Variants in ZNF764 observed in about 807,000 individuals in gnomAD.
ZNF764 encodes the protein zinc finger protein 764.
In ZNF764, 10 loss-of-function variants were observed where a neutral mutation model predicts 13.9. That is an observed-to-expected ratio of 0.72 (90% confidence interval 0.44 to 1.22). The LOEUF (loss-of-function observed/expected upper bound fraction) is 1.22, where lower values mean the gene tolerates loss of function less well. Ranked by LOEUF, ZNF764 falls within the 50% of genes most tolerant of loss-of-function variation. ZNF764 has a pLI of 0.00. For synonymous variants in ZNF764, 313 were observed against 255.1 expected (o/e 1.23, Z -2.16); for missense variants, 647 against 589.7 (o/e 1.10, Z -1.01).
chr16:30,558,046 G>C lies in ZNF764; in HGVS notation c.137C>G (p.Ala46Gly). 3 of 1,611,798 alleles carry C rather than the reference G, an allele frequency of 1.9e-6. No homozygotes were observed. The highest frequency in any genetic ancestry group is 2.5e-6 in the Non-Finnish European group (3 of 1,179,322). ...CACGTCCCGGTACAGGGCCCTCTGCGCTGGCCGCAAGCAGCCCCACTCCTC... is the reference window on the plus strand; with the variant it reads ...CACGTCCCGGTACAGGGCCCTCTGCCCTGGCCGCAAGCAGCCCCACTCCTC... ...CREEWGCLRPAQRALYRDVMR... is the reference protein window; with the variant it reads ...CREEWGCLRPGQRALYRDVMR... Residue 46 changes from alanine (A) to glycine (G), a missense_variant, in exon 1 of 3, where the codon GCG becomes GGG. Physicochemically the swap from Ala to Gly is moderately conservative, Grantham distance 60. Transcript: ENST00000395091.
chr16:30,556,164 C>T (rs1010366489), intron 2 of ZNF764, 57 bp from the exon 3 acceptor site: 86 of 1,594,700 alleles, frequency 5.4e-5, no homozygotes, highest in Non-Finnish European at 6.7e-5. Flanking sequence ...TCCTTGAATC[C>T]CACAGCCCGC....
chr16:30,555,050 A>G lies in ZNF764; in HGVS notation c.*144T>C. 1 of 961,822 alleles carries G rather than the reference A, an allele frequency of 1.0e-6. No homozygotes were observed. Among genetic ancestry groups the G allele is most frequent in the Non-Finnish European group, 1.5e-6 (1 of 667,636 alleles). 59.6% of individuals were successfully genotyped at this position (961,822 alleles called of 1,614,324 possible). On this transcript the variant is annotated 3_prime_UTR_variant, in exon 3 of 3. Coordinates refer to ENST00000395091, the MANE Select transcript of ZNF764 (RefSeq NM_001172679.2). ...CAAGGTGCTGGCAGAGGAGGCTGCT[A>G]AGGGCCCAAGATCAGACTGTCCGCA...
rs1289305587 is a variant in ZNF764, at chr16:30,555,069, G to T, written c.*125C>A. On this transcript the variant is annotated 3_prime_UTR_variant, in exon 3 of 3. Transcript: ENST00000395091. ...GCTGCTAAGGGCCCAAGATCAGACT[G>T]TCCGCACCCCAGGGCCAGCTCTTGC... The T allele has an allele frequency of 2.6e-6, 3 of 1,175,522 alleles. No individual in the cohort carries two copies. Among genetic ancestry groups the T allele is most frequent in the Non-Finnish European group, 3.5e-6 (3 of 848,698 alleles). The allele number at this position is 1,175,522 out of a possible 1,614,324, so 72.8% of individuals were successfully genotyped here. A position where few individuals can be genotyped will look rare whatever the true frequency, so the allele number is the denominator to read the frequency against.
chr16:30,558,060 G>A lies in ZNF764; in HGVS notation c.123C>T (p.Gly41=). The change falls in exon 1 of 3, where the codon GGC becomes GGT. Residue 41 remains glycine (G), a synonymous_variant. Transcript: ENST00000395091. ...VAVYFCREEW[G]CLRPAQRALY... is the part of the protein sequence containing the mutation. Reference sequence around the variant, plus strand: ...GGGCCCTCTGCGCTGGCCGCAAGCAGCCCCACTCCTCCCGGCAGAAGTACA... The same window carrying A: ...GGGCCCTCTGCGCTGGCCGCAAGCAACCCCACTCCTCCCGGCAGAAGTACA... 6.2e-7 allele frequency: 1 copy of A among 1,612,252 alleles called. No homozygotes were observed. Among genetic ancestry groups the A allele is most frequent in the Non-Finnish European group, 8.5e-7 (1 of 1,179,452 alleles).
In ZNF764 at chr16:30,555,251, G is replaced by A. The variant is rs753048259; in HGVS notation, c.1167C>T (p.Asp389=). 1.9e-6 allele frequency: 3 copies of A among 1,612,396 alleles called. No homozygotes were observed. In the South Asian group the frequency reaches 3.3e-5, roughly 18 times the overall value. ...GCTGGAAGCCCACGGGCGGGTCCAG[G>A]TCTCCGTGGCCAGGGGTCAGGGTCA... The part of the protein sequence containing the change: ...LSVTLTPGHG[D]LDPPVGFQLY... Residue 389 remains aspartate, a synonymous_variant, in exon 3 of 3, where the codon GAC becomes GAT. Coordinates refer to ENST00000395091, the MANE Select transcript of ZNF764 (RefSeq NM_001172679.2).
Position 30,555,239 on chromosome 16 carries a change from G to A in ZNF764, c.1179C>T (p.Pro393=), listed in dbSNP as rs2051538145. 1.9e-6 allele frequency: 3 copies of A among 1,611,794 alleles called. No homozygotes were observed. The highest frequency in any genetic ancestry group is 2.2e-5 in the East Asian group (1 of 44,838). ...LTPGHGDLDP[P]VGFQLYPEIF... ...TCTCCGGGTACAGCTGGAAGCCCAC[G>A]GGCGGGTCCAGGTCTCCGTGGCCAG... Residue 393 remains proline (P), a synonymous_variant, in exon 3 of 3, where the codon CCC becomes CCT. Coordinates refer to ENST00000395091, the MANE Select transcript of ZNF764 (RefSeq NM_001172679.2).
At chr16:30,556,215 G>A (rs534424126) in intron 2 of ZNF764, 108 bp from the exon 3 acceptor site, 8 of 1,283,560 alleles carry the variant, frequency 6.2e-6, no homozygotes, top group African/African-American at 4.4e-5. Flanking sequence ...GCTGCTCCTG[G>A]GAGATGGAGG....
chr16:30,558,221 CT>C lies in ZNF764; in HGVS notation c.-40del, dbSNP rs2051575833. The C allele has an allele frequency of 6.6e-7, 1 of 1,503,902 alleles. No individual in the cohort carries two copies. The highest frequency in any genetic ancestry group is 8.8e-7 in the Non-Finnish European group (1 of 1,133,608). The allele number at this position is 1,503,902 out of a possible 1,614,324, so 93.2% of individuals were successfully genotyped here. ...CCCGACGACGGATCGGCTGCCTCCC[CT>C]GGCCTGGCCTGGGCCTGCGGAACCT... On this transcript the variant is annotated 5_prime_UTR_variant, in exon 1 of 3. Transcript: ENST00000395091.
At chr16:30,557,953 G>A in intron 1 of ZNF764, 34 bp downstream of exon 1, 13 of 1,578,884 alleles carry the variant, frequency 8.2e-6, no homozygotes, top group Non-Finnish European at 1.1e-5. Flanking sequence ...GCCTGTGGGG[G>A]CGCAGGGCTC....
rs763489148 is a variant in ZNF764, at chr16:30,558,135, G to C, written c.48C>G (p.Ala16=). The change falls in exon 1 of 3, where the codon GCC becomes GCG. Residue 16 remains alanine (A), a synonymous_variant. Coordinates refer to ENST00000395091, the MANE Select transcript of ZNF764 (RefSeq NM_001172679.2). The stretch of plus-strand genomic sequence containing the variant: ...CCCCCGGCTCCCTCCACTCGGGTCC[G>C]GCCCCGTTTGGGTCCCGGGGAGGGA... The part of the protein sequence containing the change: ...APLPPRDPNG[A]GPEWREPGAV... 2.5e-6 allele frequency: 4 copies of C among 1,605,300 alleles called. No homozygotes were observed. The highest frequency in any genetic ancestry group is 1.3e-5 in the African/African-American group (1 of 74,880).
chr16:30,557,610 C>T lies in ZNF764; in HGVS notation c.310+123G>A, dbSNP rs952939845. On this transcript the variant is annotated intron_variant, in intron 2 of 2. Transcript: ENST00000395091. ...GAGCCACGCAGGGGCTCAGCCTCGT[C>T]GTCGCAGTTGAGAAGGCAGTTCAGA... 2.2e-6 allele frequency: 3 copies of T among 1,388,890 alleles called. No individual in the cohort carries two copies. In the African/African-American group the frequency reaches 4.3e-5, roughly 20 times the overall value. The allele number at this position is 1,388,890 out of a possible 1,614,324, so 86.0% of individuals were successfully genotyped here. A position where few individuals can be genotyped will look rare whatever the true frequency, so the allele number is the denominator to read the frequency against.
chr16:30,556,262 G>T, intron 2 of ZNF764, 155 bp from the exon 3 acceptor site: 1 of 877,352 alleles, frequency 1.1e-6, no homozygotes, highest in Non-Finnish European at 1.8e-6. Flanking sequence ...GCCAGACAGA[G>T]CCGGGAGGGA....
At chr16:30,556,237 T>G in intron 2 of ZNF764, 130 bp from the exon 3 acceptor site, 2 of 1,050,062 alleles carry the variant, frequency 1.9e-6, no homozygotes, top group Non-Finnish European at 1.4e-6. Context: ...GTGACACCTG[T>G]TCCTCGGCTG....
In ZNF764 at chr16:30,555,956, C is replaced by T. The variant is rs1309670362; in HGVS notation, c.462G>A (p.Pro154=). The T allele has an allele frequency of 3.1e-6, 5 of 1,611,584 alleles. No homozygotes were observed. The East Asian group carries it at 6.7e-5, about 22-fold the overall frequency. Residue 154 remains proline, a synonymous_variant, in exon 3 of 3, where the codon CCG becomes CCA. Transcript: ENST00000395091. ...CACAGAGGGAGGGGCGTCCCCGGTG[C>T]GGTGCCTTGGACAGCTGCTCCCAAC... ...PYGWEQLSKA[P]HRGRPSLCAH...
intron 1 of ZNF764, 35 bp from the exon 2 acceptor site, chr16:30,557,881 G>A: frequency 6.3e-7 from 1 of 1,578,830 alleles, no homozygotes; most frequent in South Asian, 1.1e-5. Context: ...ACGCTGCGGG[G>A]AGGCCACCTG....
rs1486667797 is a variant in ZNF764, at chr16:30,555,924, G to T, written c.494C>A (p.Pro165His). 6.2e-7 allele frequency: 1 copy of T among 1,611,670 alleles called. No individual in the cohort carries two copies. Among genetic ancestry groups the T allele is most frequent in the African/African-American group, 1.3e-5 (1 of 74,908 alleles). Residue 165 changes from proline (P) to histidine (H), a missense_variant, in exon 3 of 3, where the codon CCC becomes CAC. Transcript: ENST00000395091. ...HRGRPSLCAH[P>H]PVPRADQRHG... ...ACGCTGGTCAGCTCGGGGGACAGGG[G>T]GGTGGGCACAGAGGGAGGGGCGTCC...
Position 30,558,366 on chromosome 16 carries a change from A to C in ZNF764, c.-184T>G. On this transcript the variant is annotated 5_prime_UTR_variant, in exon 1 of 3. Coordinates refer to ENST00000395091, the MANE Select transcript of ZNF764 (RefSeq NM_001172679.2). Reference sequence around the variant, plus strand: ...CGGTGCCGATGGCAGCGGGTGTATAATCAGAAATGGAATATGCCCTCATAA... The same window carrying C: ...CGGTGCCGATGGCAGCGGGTGTATACTCAGAAATGGAATATGCCCTCATAA... 1 of 674,018 alleles carries C rather than the reference A, an allele frequency of 1.5e-6. No homozygotes were observed. Among genetic ancestry groups the C allele is most frequent in the Non-Finnish European group, 2.5e-6 (1 of 407,768 alleles). The allele number at this position is 674,018 out of a possible 1,614,324, so 41.8% of individuals were successfully genotyped here.
In ZNF764 at chr16:30,555,326, A is replaced by G; in HGVS notation, c.1092T>C (p.His364=). 6.2e-7 allele frequency: 1 copy of G among 1,609,288 alleles called. No individual in the cohort carries two copies. Among genetic ancestry groups the G allele is most frequent in the Non-Finnish European group, 8.5e-7 (1 of 1,177,994 alleles). The stretch of plus-strand genomic sequence containing the variant: ...CCCTGTGGCCCCCGGCCCCGGGCCG[A>G]TGAACCCACTGGTGTTTGGCCACGG... ...KSAVAKHQWV[H]RPGAGGHRGR... is the part of the protein sequence containing the mutation. The change falls in exon 3 of 3, where the codon CAT becomes CAC. Residue 364 remains histidine, a synonymous_variant. Coordinates refer to ENST00000395091, the MANE Select transcript of ZNF764 (RefSeq NM_001172679.2).
At chr16:30,557,710 G>C (rs945276406) in intron 2 of ZNF764, 23 bp downstream of exon 2, 18 of 1,612,762 alleles carry the variant, frequency 1.1e-5, no homozygotes, top group Non-Finnish European at 1.5e-5. Flanking sequence ...AGTCCCCATG[G>C]GACTGAGCAC....
Sources: gnomAD v4.1 joint callset for allele counts on GRCh38, gnomAD v4.1.1 for gene constraint, MANE v1.5 for transcripts, NCBI Gene and HGNC (gene_info 2026-07-23, HGNC 2026-07-21) for gene names.